GRK7: variants seen among roughly 807,000 people sequenced by gnomAD.
The protein encoded by GRK7 is G protein-coupled receptor kinase 7.
Under a neutral mutation model 34.1 loss-of-function variants are expected in GRK7, and 24 were observed. That is an observed-to-expected ratio of 0.70 (90% CI 0.51 to 0.99). The LOEUF is 0.99. Among genes scored for constraint, GRK7 ranks in the 50% least tolerant of loss-of-function variants. The probability of loss-of-function intolerance (pLI) is 0.00; values close to 1 mark genes in which losing one functional copy is unlikely to be tolerated. For synonymous variants in GRK7, 256 were observed against 279.4 expected (o/e 0.92, Z 0.84); for missense variants, 644 against 707.3 (o/e 0.91, Z 1.02).
At chr3:141,767,169 T>C (rs1450965092) in intron 1 of GRK7, among the ~76,000 whole-genome samples, 1 of 152,190 alleles carries the variant, frequency 6.6e-6, no homozygotes, top group East Asian at 1.9e-4. Flanking sequence ...TATGAAAGCA[T>C]GTGCAACTTC....
intron 4 of GRK7, among the ~76,000 whole-genome samples, chr3:141,781,958 C>T (rs1370383290): frequency 6.6e-6 from 1 of 152,120 alleles, no homozygotes; most frequent in African/African-American, 2.4e-5. Context: ...GTACAGTTTT[C>T]AGCCTACAGG....
chr3:141,774,267 C>T lies in GRK7; in HGVS notation c.-214-313C>T, dbSNP rs573914238. 4.6e-5 allele frequency among the ~76,000 whole-genome samples: 7 copies of T among 151,710 alleles called. No homozygotes were observed. The South Asian group carries it at 1.5e-3, about 32-fold the overall frequency. On this transcript the variant is annotated intron_variant, in intron 1 of 5. Coordinates refer to ENST00000682958, the MANE Select transcript of GRK7 (RefSeq NM_139209.3). The stretch of plus-strand genomic sequence containing the variant: ...GGGCAACATGTCTCCACTAAAAATA[C>T]AAAAATTAGCCAGGTGTGATGGTGC...
At chr3:141,760,756 CT>C (rs2084552181), upstream of GRK7, among the ~76,000 whole-genome samples, 1 of 142,184 alleles carries the variant, frequency 7.0e-6, no homozygotes, top group South Asian at 2.4e-4. Flanking sequence ...GTCTAAGTCT[CT>C]TTGTAGGTCA....
rs1286669809 is a variant in GRK7 at position 141,778,899 on chromosome 3, A to G, written c.612+3A>G. On this transcript the variant is annotated splice_donor_region_variant and intron_variant, in intron 3 of 5. Coordinates refer to ENST00000682958, the MANE Select transcript of GRK7 (RefSeq NM_139209.3). The surrounding 1 kb of genome is among the most constrained non-coding windows in gnomAD (Gnocchi z 4.1). ...TGGGGAAAGGTGGTTTTGGGGAGGT[A>G]AGTGTCTCCCAGTAGCCAGGCTAGA... 1 of 1,603,458 alleles carries G rather than the reference A, an allele frequency of 6.2e-7. No individual in the cohort carries two copies. The highest frequency in any genetic ancestry group is 1.7e-5 in the Admixed American group (1 of 58,186).
intron 4 of GRK7, among the ~76,000 whole-genome samples, chr3:141,788,546 C>T (rs992944313): frequency 4.6e-5 from 7 of 152,286 alleles, no homozygotes; most frequent in East Asian, 3.9e-4. Flanking sequence ...TCCTAGAACA[C>T]GGTGACTTCT....
upstream of GRK7, among the ~76,000 whole-genome samples, chr3:141,759,215 G>A: frequency 7.7e-6 from 1 of 130,630 alleles, no homozygotes; most frequent in Non-Finnish European, 1.7e-5. Context: ...GGTGAGAGAG[G>A]GCATCCCTGT....
intron 5 of GRK7, among the ~76,000 whole-genome samples, chr3:141,812,478 CA>C (rs1241888529): frequency 6.6e-6 from 1 of 152,150 alleles, no homozygotes; most frequent in Non-Finnish European, 1.5e-5. Flanking sequence ...GTGGCCCAGC[CA>C]CAAGAACAAG....
Position 141,780,704 on chromosome 3 carries a change from C to T in GRK7, c.943C>T (p.Arg315Trp), listed in dbSNP as rs374257219. Residue 315 changes from arginine (R) to tryptophan (W), a missense_variant, in exon 4 of 6, where the codon CGG (arginine) becomes TGG (tryptophan). Arg to Trp is a moderately radical substitution (Grantham distance 101, BLOSUM62 -3). Transcript: ENST00000682958. ...LHLHELGIVY[R>W]DMKPENVLLD... ...CCTCCATGAACTCGGCATCGTCTAT[C>T]GGGACATGAAGCCTGAGAATGTGCT... 13 of 1,614,042 alleles carry T rather than the reference C, an allele frequency of 8.1e-6. No individual in the cohort carries two copies. The Admixed American group carries it at 1.2e-4, about 14-fold the overall frequency.
intron 4 of GRK7, among the ~76,000 whole-genome samples, chr3:141,805,473 A>T (rs1441132667): frequency 6.6e-6 from 1 of 152,220 alleles, no homozygotes; most frequent in African/African-American, 2.4e-5. Flanking sequence ...GTCTGGACAA[A>T]TGCAAAACTG....
chr3:141,796,797 C>T (rs114173973), intron 4 of GRK7, among the ~76,000 whole-genome samples: 1 of 152,176 alleles, frequency 6.6e-6, no homozygotes, highest in Non-Finnish European at 1.5e-5. Flanking sequence ...TGATCTCTGA[C>T]CATGTGCCAG....
chr3:141,813,632 A>C (rs1462896867), intron 5 of GRK7, among the ~76,000 whole-genome samples: 1 of 152,202 alleles, frequency 6.6e-6, no homozygotes, highest in Admixed American at 6.6e-5. Context: ...CTCCATACAC[A>C]GTGGGAAAAG....
intron 4 of GRK7, among the ~76,000 whole-genome samples, chr3:141,786,436 C>T (rs2084696447): frequency 6.6e-6 from 1 of 152,070 alleles, no homozygotes; most frequent in Non-Finnish European, 1.5e-5. Context: ...ATATCACTGC[C>T]ATGGTTGTGT....
chr3:141,785,968 T>C (rs1180100789), intron 4 of GRK7, among the ~76,000 whole-genome samples: 1 of 151,806 alleles, frequency 6.6e-6, no homozygotes, highest in African/African-American at 2.4e-5. Context: ...TTTTGGCCTT[T>C]TCCTCCTTGT....
At chr3:141,775,275 CT>C (rs1304700180) in intron 2 of GRK7, among the ~76,000 whole-genome samples, 1 of 152,082 alleles carries the variant, frequency 6.6e-6, no homozygotes, top group Non-Finnish European at 1.5e-5. Context: ...TGGCAGGTGC[CT>C]GTAGTCTCAG....
chr3:141,767,218 A>G (rs1286010918), intron 1 of GRK7, among the ~76,000 whole-genome samples: 1 of 152,170 alleles, frequency 6.6e-6, no homozygotes, highest in African/African-American at 2.4e-5. Flanking sequence ...AATTTTCACC[A>G]TCTATTCTTG....
chr3:141,797,967 C>A (rs1398066335), intron 4 of GRK7, among the ~76,000 whole-genome samples: 1 of 152,188 alleles, frequency 6.6e-6, no homozygotes, highest in Non-Finnish European at 1.5e-5. Flanking sequence ...AGAAGCCCCT[C>A]CATGTTCTCT....
intron 1 of GRK7, among the ~76,000 whole-genome samples, chr3:141,768,655 A>T (rs982944806): frequency 2.0e-5 from 3 of 151,764 alleles, no homozygotes; most frequent in African/African-American, 7.3e-5. Flanking sequence ...CCAGCTCCCC[A>T]TCATATGTCT....
intron 5 of GRK7, among the ~76,000 whole-genome samples, chr3:141,811,434 A>G (rs368062959): frequency 8.5e-5 from 13 of 152,260 alleles, no homozygotes; most frequent in African/African-American, 3.1e-4. Context: ...ACCTTAAAGC[A>G]CTGTAAACAC....
chr3:141,788,957 T>C (rs1349000689), intron 4 of GRK7, among the ~76,000 whole-genome samples: 1 of 151,828 alleles, frequency 6.6e-6, no homozygotes, highest in Non-Finnish European at 1.5e-5. Context: ...CTGGCTGAGG[T>C]TCAAGCGCCA....
Sources: allele counts gnomAD v4.1 joint callset (sites outside exome capture counted in the v4.1 genomes callset), GRCh38; gene constraint gnomAD v4.1.1; non-coding constraint Gnocchi (gnomAD v3.1); transcripts MANE v1.5; gene names NCBI Gene and HGNC (gene_info 2026-07-23, HGNC 2026-07-21).